DAG1: variants seen among roughly 807,000 people sequenced by gnomAD.
DAG1 encodes dystroglycan 1.
In DAG1, 8 loss-of-function variants were observed where a neutral mutation model predicts 46.1. The observed-to-expected ratio is 0.17, with a 90% confidence interval of 0.10 to 0.31. DAG1 has a LOEUF of 0.31. Among genes scored for constraint, DAG1 ranks in the 10% least tolerant of loss-of-function variants. The pLI is 1.00. For synonymous variants in DAG1, 495 were observed against 481.8 expected, an observed-to-expected ratio of 1.03 and a Z score of -0.36; for missense variants, 1,003 against 1,189.9, an observed-to-expected ratio of 0.84 and a Z score of 2.31.
At chr3:49,499,869 C>T (rs1463505061) in intron 1 of DAG1, among the ~76,000 whole-genome samples, 1 of 152,052 alleles carries the variant, frequency 6.6e-6, no homozygotes, top group Non-Finnish European at 1.5e-5. Flanking sequence ...GATGACTGAT[C>T]TGATAAACTT....
intron 1 of DAG1, among the ~76,000 whole-genome samples, chr3:49,504,761 ATTTTTTTTTTTT>A: frequency 1.1e-5 from 1 of 89,906 alleles, no homozygotes; most frequent in South Asian, 4.6e-4. Flanking sequence ...CGCCCAGCTA[ATTTTTTTTTTTT>A]TTTTTTTTTT....
chr3:49,510,408 T>A lies in DAG1; in HGVS notation c.-116-11T>A. 1 of 954,202 alleles carries A rather than the reference T, an allele frequency of 1.0e-6. No individual in the cohort carries two copies. Among genetic ancestry groups the A allele is most frequent in the Non-Finnish European group, 1.7e-6 (1 of 598,172 alleles). 59.1% of individuals were successfully genotyped at this position (954,202 alleles called of 1,614,324 possible). ...TGCTCAAGTCTAAACCTGCTTTTCT[T>A]TTTTTTTCAGGCTCTGTGTGCTCCG... On this transcript the variant is annotated splice_polypyrimidine_tract_variant and intron_variant, in intron 1 of 2. Transcript: ENST00000308775.
Position 49,514,581 on chromosome 3 carries a change from C to T in DAG1, c.285+3762C>T, listed in dbSNP as rs1345117067. ...CACCTCCCGGGTTCAAATGATTCTCCTGCCTCCATCTCCCGAGTAGCTGGG... is the reference window on the plus strand; with the variant it reads ...CACCTCCCGGGTTCAAATGATTCTCTTGCCTCCATCTCCCGAGTAGCTGGG... On this transcript the variant is annotated intron_variant, in intron 2 of 2. Transcript: ENST00000308775. Among the ~76,000 whole-genome samples the T allele has an allele frequency of 2.6e-5, 4 of 152,314 alleles. No homozygotes were observed. In the South Asian group the frequency reaches 8.3e-4, roughly 32 times the overall value.
intron 1 of DAG1, among the ~76,000 whole-genome samples, chr3:49,490,366 T>G (rs1290586048): frequency 3.2e-5 from 3 of 94,428 alleles, no homozygotes; most frequent in East Asian, 2.1e-4. Flanking sequence ...AAAAAAAAAG[T>G]TTTTTTTTTT....
At position 49,483,652 on chromosome 3, in the gene DAG1, G is replaced by A. The variant is rs971009064; in HGVS notation, c.-117+13219G>A. Among the ~76,000 whole-genome samples the A allele has an allele frequency of 4.0e-5, 6 of 151,532 alleles. No individual in the cohort carries two copies. The East Asian group carries it at 9.7e-4, about 24-fold the overall frequency. ...AAAATGAGTAAGTTCTACCTCTTAT[G>A]TGAGGTATGATTGAAGAAATTGTGT... is the stretch of plus-strand genomic sequence containing the variant. On this transcript the variant is annotated intron_variant, in intron 1 of 2. Transcript: ENST00000308775.
At chr3:49,488,754 C>T (rs1281867427) in intron 1 of DAG1, 1 of 152,064 alleles carries the variant, frequency 6.6e-6, no homozygotes, top group East Asian at 1.9e-4. Flanking sequence ...AGGTGCGTGC[C>T]ACTATGACCA....
At chr3:49,478,802 C>CT (rs201202889) in intron 1 of DAG1, among the ~76,000 whole-genome samples, 1,451 of 75,974 alleles carry the variant, frequency 0.019, 92 homozygotes, top group African/African-American at 0.028. Context: ...CGTCCCCTCC[C>CT]TTTTTTTTTT....
At chr3:49,500,891 C>CT (rs1187844945) in intron 1 of DAG1, among the ~76,000 whole-genome samples, 1 of 152,136 alleles carries the variant, frequency 6.6e-6, no homozygotes, top group Non-Finnish European at 1.5e-5. Context: ...ATCTGAATGA[C>CT]TGAGTGTATG....
intron 1 of DAG1, among the ~76,000 whole-genome samples, chr3:49,508,424 G>A (rs1297590050): frequency 1.3e-5 from 2 of 151,236 alleles, no homozygotes; most frequent in African/African-American, 4.9e-5. Context: ...TTTGAGACAG[G>A]GTCTTGCTCT....
Position 49,532,318 on chromosome 3 carries a change from A to G in DAG1, c.1807A>G (p.Arg603Gly), listed in dbSNP as rs755932747. Residue 603 changes from arginine (R) to glycine (G), a missense_variant, in exon 3 of 3, where the codon AGG (arginine) becomes GGG (glycine). Arg to Gly is a moderately radical substitution (Grantham distance 125). Coordinates refer to ENST00000308775, the MANE Select transcript of DAG1 (RefSeq NM_004393.6). The surrounding 1 kb of genome is among the most constrained non-coding windows in gnomAD (Gnocchi z 5.4). ...IHVHRRPQGD[R>G]APARFKAKFV... ...CGTCCACAGGCGCCCCCAAGGGGAT[A>G]GGGCTCCTGCAAGGTTCAAGGCCAA... The G allele has an allele frequency of 1.7e-5, 27 of 1,614,076 alleles. No individual in the cohort carries two copies. The highest frequency in any genetic ancestry group is 2.2e-5 in the Non-Finnish European group (26 of 1,180,046).
chr3:49,501,289 A>G (rs1426248398), intron 1 of DAG1, among the ~76,000 whole-genome samples: 1 of 152,174 alleles, frequency 6.6e-6, no homozygotes, highest in African/African-American at 2.4e-5. Context: ...TGAGATTGGA[A>G]TAGTGAAAGA....
chr3:49,471,895 G>A (rs188282644), intron 1 of DAG1, among the ~76,000 whole-genome samples: 31 of 152,284 alleles, frequency 2.0e-4, no homozygotes, highest in African/African-American at 7.0e-4. Flanking sequence ...CCCGCTAAGC[G>A]TGCTCACATA....
Position 49,485,321 on chromosome 3 carries a change from G to A in DAG1, c.-117+14888G>A, listed in dbSNP as rs138075479. Among the ~76,000 whole-genome samples the A allele has an allele frequency of 3.2e-4, 49 of 152,230 alleles. 1 individual carries two copies. In the East Asian group the frequency reaches 8.9e-3, roughly 28 times the overall value. On this transcript the variant is annotated intron_variant, in intron 1 of 2. Coordinates refer to ENST00000308775, the MANE Select transcript of DAG1 (RefSeq NM_004393.6). Reference sequence around the variant, plus strand: ...CGCCCAGGCTGGAGTGCAGTGGTGCGATCTTGGCTCACTGCAACCTTTTGG... The same window carrying A: ...CGCCCAGGCTGGAGTGCAGTGGTGCAATCTTGGCTCACTGCAACCTTTTGG...
intron 1 of DAG1, among the ~76,000 whole-genome samples, chr3:49,485,709 T>A (rs2050008114): frequency 7.1e-6 from 1 of 141,212 alleles, no homozygotes; most frequent in African/African-American, 2.6e-5. Context: ...TCACCCAAGC[T>A]AGAGTGCAGT....
rs1260264401 is a variant in DAG1, at chr3:49,532,511, A to T, written c.2000A>T (p.Glu667Val). The T allele has an allele frequency of 6.2e-7, 1 of 1,614,186 alleles. No homozygotes were observed. The highest frequency in any genetic ancestry group is 8.5e-7 in the Non-Finnish European group (1 of 1,180,020). ...VEWTNNTLPL[E>V]PCPKEQIAGL... ...TGGACCAACAACACACTGCCCTTGG[A>T]GCCCTGCCCCAAGGAGCAGATCGCT... The change falls in exon 3 of 3, where the codon GAG becomes GTG. Residue 667 changes from glutamate (E) to valine (V), a missense_variant. By Grantham distance (121) the Glu-to-Val change is moderately radical. This residue lies in a region of DAG1 where 755 missense variants were observed against 854.1 expected (regional missense o/e 0.88). Transcript: ENST00000308775. This position sits in a 1 kb window ranked among gnomAD's most constrained non-coding sequence, Gnocchi z 5.4.
chr3:49,495,578 A>G (rs2050289208), intron 1 of DAG1, among the ~76,000 whole-genome samples: 1 of 152,056 alleles, frequency 6.6e-6, no homozygotes, highest in Admixed American at 6.6e-5. Flanking sequence ...CACCTCTCAG[A>G]CTTATTCCCC....
At chr3:49,487,689 A>G (rs1207281944) in intron 1 of DAG1, among the ~76,000 whole-genome samples, 1 of 103,860 alleles carries the variant, frequency 9.6e-6, no homozygotes, top group Non-Finnish European at 1.9e-5. Context: ...AGCCCCATAC[A>G]TTCTTTTTTT....
intron 1 of DAG1, among the ~76,000 whole-genome samples, chr3:49,500,099 G>A (rs1373116092): frequency 4.7e-5 from 1 of 21,128 alleles, no homozygotes; most frequent in Non-Finnish European, 1.0e-4. Context: ...CTCAGCCTCC[G>A]CTTCCCGGGT....
chr3:49,475,212 C>T (rs1415048935), intron 1 of DAG1, among the ~76,000 whole-genome samples: 2 of 151,436 alleles, frequency 1.3e-5, no homozygotes, highest in East Asian at 3.9e-4. Context: ...TCAAGTGATT[C>T]TCCTGCCTCA....
Sources: allele counts gnomAD v4.1 joint callset (sites outside exome capture counted in the v4.1 genomes callset), GRCh38; gene constraint gnomAD v4.1.1; regional missense constraint gnomAD v4.1.1; non-coding constraint Gnocchi (gnomAD v3.1); transcripts MANE v1.5; gene names NCBI Gene and HGNC (gene_info 2026-07-23, HGNC 2026-07-21).